The following STEAP1B variants were observed in gnomAD, a reference collection of about 807,000 sequenced individuals.
The protein encoded by STEAP1B is STEAP family member 1B, also known as STEAP family protein MGC87042.
In STEAP1B, 13 loss-of-function variants were observed where a neutral mutation model predicts 27.9. The ratio of observed to expected loss-of-function variants is 0.47; its 90% CI spans 0.30 to 0.74. The LOEUF (loss-of-function observed/expected upper bound fraction) is 0.74, where lower values mean the gene tolerates loss of function less well. STEAP1B is among the 30% of genes least tolerant of loss of function. STEAP1B has a pLI of 0.06. For synonymous variants in STEAP1B, 86 were observed against 107.1 expected, an observed-to-expected ratio of 0.80 and a Z score of 1.22; for missense variants, 250 against 298.7, an observed-to-expected ratio of 0.84 and a Z score of 1.20.
chr7:22,419,824 T>C lies in STEAP1B; in HGVS notation c.775A>G (p.Ile259Val), dbSNP rs1205734691. Residue 259 changes from isoleucine to valine, a missense_variant, in exon 5 of 5, where the codon ATC (isoleucine) becomes GTC (valine). Ile to Val is a conservative substitution (Grantham distance 29, BLOSUM62 3). Coordinates refer to ENST00000678116, the MANE Select transcript of STEAP1B (RefSeq NM_001382447.1). Reference protein sequence around the residue: ...EFHYIQVHGRINFLTL With the variant: ...EFHYIQVHGRVNFLTL ...ATCTGTCACAAGGTCAGGAAGTTGATCCTACCATGTACCTGGAAGGCAGAC... is the reference window on the plus strand; with the variant it reads ...ATCTGTCACAAGGTCAGGAAGTTGACCCTACCATGTACCTGGAAGGCAGAC... The C allele has an allele frequency of 1.9e-6, 3 of 1,550,186 alleles. No individual in the cohort carries two copies. The highest frequency in any genetic ancestry group is 1.7e-6 in the Non-Finnish European group (2 of 1,146,160).
intron 4 of STEAP1B, among the ~76,000 whole-genome samples, chr7:22,490,079 G>T (rs1279148799): frequency 6.6e-6 from 1 of 152,038 alleles, no homozygotes; most frequent in African/African-American, 2.4e-5. Context: ...TATTCCAAAA[G>T]AATGTTTTCT....
At chr7:22,498,409 C>T (rs2128419782) in intron 1 of STEAP1B, among the ~76,000 whole-genome samples, 1 of 152,144 alleles carries the variant, frequency 6.6e-6, no homozygotes, top group East Asian at 1.9e-4. Flanking sequence ...GAGGGAGGTG[C>T]TAGGAATGGA....
In STEAP1B at chr7:22,433,294, C is replaced by G. The variant is rs1247086452; in HGVS notation, c.763-13458G>C. 3.4e-5 allele frequency among the ~76,000 whole-genome samples: 5 copies of G among 148,806 alleles called. No individual in the cohort carries two copies. In the East Asian group the frequency reaches 6.0e-4, roughly 18 times the overall value. ...CTTACTATTTCAAGCCCTTCCACCC[C>G]CTCCACATAATGACTCATTGTAACC... On this transcript the variant is annotated intron_variant, in intron 4 of 4. Transcript: ENST00000678116.
At chr7:22,492,811 G>T in intron 3 of STEAP1B, 82 bp from the exon 4 acceptor site, 1 of 1,504,552 alleles carries the variant, frequency 6.6e-7, no homozygotes. Context: ...ACTCTTCCCT[G>T]TGTGTACTAT....
At position 22,470,630 on chromosome 7, in the gene STEAP1B, G is replaced by C. The variant is rs540541139; in HGVS notation, c.762+21935C>G. Reference sequence around the variant, plus strand: ...AAAATACAAAAACTAGCCAGGTATGGTGGTGCATGCCTGTAGTCCCAGCTA... The same window carrying C: ...AAAATACAAAAACTAGCCAGGTATGCTGGTGCATGCCTGTAGTCCCAGCTA... On this transcript the variant is annotated intron_variant, in intron 4 of 4. Transcript: ENST00000678116. 3.9e-5 allele frequency among the ~76,000 whole-genome samples: 6 copies of C among 152,282 alleles called. 2 individuals are homozygous for C. The South Asian group carries it at 1.2e-3, about 32-fold the overall frequency.
intron 1 of STEAP1B, among the ~76,000 whole-genome samples, 164 bp downstream of exon 1, chr7:22,499,950 A>G (rs1786507526): frequency 6.6e-6 from 1 of 152,148 alleles, no homozygotes; most frequent in South Asian, 2.1e-4. Flanking sequence ...CGCATAAGCG[A>G]AGAATTGAGC....
At chr7:22,499,441 T>G (rs1368446111) in intron 1 of STEAP1B, among the ~76,000 whole-genome samples, 4 of 152,200 alleles carry the variant, frequency 2.6e-5, no homozygotes, top group Non-Finnish European at 5.9e-5. Flanking sequence ...GTGCTTAACA[T>G]TCATGTTAAA....
At chr7:22,450,568 G>C (rs763242496) in intron 4 of STEAP1B, among the ~76,000 whole-genome samples, 81 of 147,296 alleles carry the variant, frequency 5.5e-4, no homozygotes, top group Non-Finnish European at 1.0e-3. Context: ...TGCTCTTTTG[G>C]TTACTTAGGT....
intron 4 of STEAP1B, among the ~76,000 whole-genome samples, chr7:22,457,890 T>C (rs1202410530): frequency 1.3e-5 from 2 of 152,234 alleles, no homozygotes; most frequent in Non-Finnish European, 2.9e-5. Context: ...TTATTGGCGT[T>C]ACTCTGCAAT....
chr7:22,441,448 T>C (rs1785332519), intron 4 of STEAP1B, among the ~76,000 whole-genome samples: 1 of 152,178 alleles, frequency 6.6e-6, no homozygotes. Flanking sequence ...CATTTACAGA[T>C]GAGAAAATTG....
At chr7:22,448,944 T>A (rs1193750672) in intron 4 of STEAP1B, among the ~76,000 whole-genome samples, 1 of 152,216 alleles carries the variant, frequency 6.6e-6, no homozygotes, top group African/African-American at 2.4e-5. Context: ...TTGTATCTGG[T>A]AGGGACTAGG....
At chr7:22,444,950 G>A (rs1362900825) in intron 4 of STEAP1B, among the ~76,000 whole-genome samples, 3 of 152,156 alleles carry the variant, frequency 2.0e-5, no homozygotes, top group African/African-American at 4.8e-5. Context: ...TCACCAGAGC[G>A]AGCTCTGGGT....
chr7:22,493,789 C>A lies in STEAP1B; in HGVS notation c.132G>T (p.Leu44Phe). The change falls in exon 3 of 5, where the codon TTG (leucine) becomes TTT (phenylalanine). Residue 44 changes from leucine to phenylalanine, a missense_variant. Physicochemically the swap from Leu to Phe is conservative, Grantham distance 22. Transcript: ENST00000678116. ...CAGCATGGGCTGTTTGCTGCAAATG[C>A]AAAAGCACAGGTCTTTTTAGCATGC... The part of the protein sequence containing the change: ...ETSMLKRPVL[L>F]HLQQTAHADE... The A allele has an allele frequency of 1.2e-6, 2 of 1,613,340 alleles. No individual in the cohort carries two copies. The highest frequency in any genetic ancestry group is 1.7e-6 in the Non-Finnish European group (2 of 1,179,702).
intron 4 of STEAP1B, among the ~76,000 whole-genome samples, chr7:22,444,908 A>G (rs991229540): frequency 2.0e-5 from 3 of 152,202 alleles, no homozygotes; most frequent in Admixed American, 6.5e-5. Flanking sequence ...TAAGCCAACA[A>G]TTGGACACCC....
At chr7:22,455,937 G>A (rs1583639866) in intron 4 of STEAP1B, among the ~76,000 whole-genome samples, 1 of 152,176 alleles carries the variant, frequency 6.6e-6, no homozygotes, top group Non-Finnish European at 1.5e-5. Context: ...CATGAGGTCA[G>A]GAGATCAAGA....
At position 22,467,746 on chromosome 7, in the gene STEAP1B, A is replaced by G. The variant is rs369964018; in HGVS notation, c.762+24819T>C. 4.6e-5 allele frequency among the ~76,000 whole-genome samples: 7 copies of G among 152,054 alleles called. No individual in the cohort carries two copies. In the East Asian group the frequency reaches 1.3e-3, roughly 29 times the overall value. On this transcript the variant is annotated intron_variant, in intron 4 of 4. Transcript: ENST00000678116. Reference sequence around the variant, plus strand: ...TGTGAGGCCTCCCCAGCCACGTGGAACTGTGAGTCTATTAAACCTCTTTCT... The same window carrying G: ...TGTGAGGCCTCCCCAGCCACGTGGAGCTGTGAGTCTATTAAACCTCTTTCT...
intron 4 of STEAP1B, among the ~76,000 whole-genome samples, chr7:22,485,011 T>C (rs984851866): frequency 1.3e-5 from 2 of 152,254 alleles, no homozygotes; most frequent in Admixed American, 1.3e-4. Context: ...TTTTCATAGA[T>C]GATCAAAGAA....
intron 4 of STEAP1B, among the ~76,000 whole-genome samples, chr7:22,432,803 C>CA (rs1179043280): frequency 1.3e-5 from 2 of 151,798 alleles, no homozygotes; most frequent in East Asian, 3.9e-4. Flanking sequence ...ACTAGGTAGC[C>CA]AAAAAAACAG....
At chr7:22,464,364 G>A (rs1486367314) in intron 4 of STEAP1B, among the ~76,000 whole-genome samples, 1 of 152,112 alleles carries the variant, frequency 6.6e-6, no homozygotes, top group African/African-American at 2.4e-5. Flanking sequence ...CGGGTTTACT[G>A]AGGGTGTGTT....
Sources: gnomAD v4.1 joint callset for allele counts (sites outside exome capture counted in the v4.1 genomes callset) on GRCh38, gnomAD v4.1.1 for gene constraint, MANE v1.5 for transcripts, NCBI Gene and HGNC (gene_info 2026-07-23, HGNC 2026-07-21) for gene names.